The following IGF1R variants were observed in gnomAD, a reference collection of about 807,000 sequenced individuals.
The protein encoded by IGF1R is insulin like growth factor 1 receptor, also known as insulin-like growth factor 1 receptor.
IGF1R carries 44 observed loss-of-function variants against 144.6 expected under a neutral mutation model. The observed-to-expected ratio is 0.30, with a 90% CI of 0.24 to 0.39. The LOEUF is 0.39. Among genes scored for constraint, IGF1R ranks in the 10% least tolerant of loss-of-function variants. The pLI, the probability that IGF1R is intolerant of heterozygous loss-of-function variation, is 1.00. For missense variants in IGF1R, 1,355 were observed against 1,833.7 expected, an observed-to-expected ratio of 0.74 and a Z score of 4.77; for synonymous variants, 795 against 722.8, an observed-to-expected ratio of 1.10 and a Z score of -1.60.
intron 1 of IGF1R, among the ~76,000 whole-genome samples, chr15:98,681,391 T>C (rs1203898718): frequency 6.6e-6 from 1 of 152,220 alleles, no homozygotes; most frequent in African/African-American, 2.4e-5. Flanking sequence ...GAGGTTTTCA[T>C]TGATTGCAGT....
intron 1 of IGF1R, among the ~76,000 whole-genome samples, chr15:98,678,489 T>G (rs1314888789): frequency 9.8e-6 from 1 of 102,142 alleles, no homozygotes; most frequent in African/African-American, 3.1e-5. Context: ...GCCTGGAGGC[T>G]GACACTTAAA....
chr15:98,912,134 C>T (rs903833093), intron 7 of IGF1R, among the ~76,000 whole-genome samples: 1 of 149,740 alleles, frequency 6.7e-6, no homozygotes, highest in Non-Finnish European at 1.5e-5. Context: ...GGTGGCTACC[C>T]CGGTCTACTT....
chr15:98,868,765 G>A lies in IGF1R; in HGVS notation c.641-22560G>A, dbSNP rs2012607593. On this transcript the variant is annotated intron_variant, in intron 2 of 20. Coordinates refer to ENST00000650285, the MANE Select transcript of IGF1R (RefSeq NM_000875.5). ...CTTGTTGCACAGATGAAATCTGACA[G>A]CGTATGCCAAGCGCTTAGCACGGGT... 2.6e-5 allele frequency among the ~76,000 whole-genome samples: 4 copies of A among 152,312 alleles called. 1 individual carries two copies. The East Asian group carries it at 7.7e-4, about 29-fold the overall frequency.
At chr15:98,775,406 G>A (rs2055687809) in intron 2 of IGF1R, among the ~76,000 whole-genome samples, 1 of 152,200 alleles carries the variant, frequency 6.6e-6, no homozygotes, top group Non-Finnish European at 1.5e-5. Flanking sequence ...ATTTCCAGGG[G>A]TGGGACTGGG....
intron 2 of IGF1R, among the ~76,000 whole-genome samples, chr15:98,834,154 G>C (rs1177038730): frequency 6.6e-6 from 1 of 152,200 alleles, no homozygotes; most frequent in Non-Finnish European, 1.5e-5. Context: ...GAAGTTACAA[G>C]TTTACAGCTT....
rs1050093117 is a variant in IGF1R, at chr15:98,648,546, GGCA to G, written c.-1033_-1031del. On this transcript the variant is annotated 5_prime_UTR_variant, in exon 1 of 21. Transcript: ENST00000650285. The stretch of plus-strand genomic sequence containing the variant: ...GCGCGCGCGCGAGCCCCCAGTGTGT[GGCA>G]GCGGCGGCGGCGGCGCGGCGAGGCT... Among the ~76,000 whole-genome samples the G allele has an allele frequency of 1.0e-4, 15 of 145,846 alleles. No individual in the cohort carries two copies. Among genetic ancestry groups the G allele is most frequent in the African/African-American group, 2.5e-4 (10 of 40,642 alleles).
intron 2 of IGF1R, among the ~76,000 whole-genome samples, chr15:98,758,068 G>A (rs1465574664): frequency 6.6e-6 from 1 of 152,096 alleles, no homozygotes; most frequent in Admixed American, 6.5e-5. Flanking sequence ...TCCTGGATGT[G>A]TTCTCTGTCT....
intron 1 of IGF1R, among the ~76,000 whole-genome samples, chr15:98,655,656 T>A (rs1420217184): frequency 1.3e-5 from 2 of 151,194 alleles, no homozygotes; most frequent in African/African-American, 2.4e-5. Context: ...AAAAAAAAAA[T>A]AAAACGAAAC....
At position 98,886,123 on chromosome 15, in the gene IGF1R, T is replaced by G. The variant is rs191473847; in HGVS notation, c.641-5202T>G. 2.7e-3 allele frequency among the ~76,000 whole-genome samples: 409 copies of G among 152,250 alleles called. 2 individuals carry two copies. The highest frequency in any genetic ancestry group is 9.4e-3 in the African/African-American group (391 of 41,558). On this transcript the variant is annotated intron_variant, in intron 2 of 20. Transcript: ENST00000650285. Reference sequence around the variant, plus strand: ...GTGAGCCACCACGCCCAGCCTATGGTATGCTTTTAAAAATGGTTTCTCTGC... The same window carrying G: ...GTGAGCCACCACGCCCAGCCTATGGGATGCTTTTAAAAATGGTTTCTCTGC...
At chr15:98,878,692 A>AAAAAAAG (rs2013200234) in intron 2 of IGF1R, among the ~76,000 whole-genome samples, 1 of 138,882 alleles carries the variant, frequency 7.2e-6, no homozygotes, top group Non-Finnish European at 1.5e-5. Flanking sequence ...AAAAAAAAAA[A>AAAAAAAG]AAACAACAAC....
intron 1 of IGF1R, among the ~76,000 whole-genome samples, chr15:98,679,975 AAG>A (rs1421153044): frequency 5.3e-5 from 8 of 152,236 alleles, no homozygotes; most frequent in Non-Finnish European, 1.2e-4. Context: ...AAATAGAAAA[AAG>A]CTTATAGAAT....
At chr15:98,804,851 C>T (rs1017483165) in intron 2 of IGF1R, among the ~76,000 whole-genome samples, 9 of 152,148 alleles carry the variant, frequency 5.9e-5, no homozygotes, top group Admixed American at 6.5e-5. Flanking sequence ...TGCACCACCA[C>T]GCCTGGCTAA....
At chr15:98,765,932 A>C (rs1353162025) in intron 2 of IGF1R, among the ~76,000 whole-genome samples, 1 of 152,122 alleles carries the variant, frequency 6.6e-6, no homozygotes, top group Non-Finnish European at 1.5e-5. Flanking sequence ...GGGCATGCTG[A>C]TGCCACGCAA....
chr15:98,650,924 T>A, intron 1 of IGF1R: 1 of 984,816 alleles, frequency 1.0e-6, no homozygotes, highest in Non-Finnish European at 1.2e-6. Context: ...GAGCGAGAAC[T>A]CCCCCCGGTG....
chr15:98,718,257 T>C (rs2054168381), intron 2 of IGF1R, among the ~76,000 whole-genome samples: 1 of 152,180 alleles, frequency 6.6e-6, no homozygotes, highest in African/African-American at 2.4e-5. Flanking sequence ...AGTCCTCTCT[T>C]CTTTCTTCCT....
chr15:98,697,890 A>C (rs980607485), intron 1 of IGF1R, among the ~76,000 whole-genome samples: 1 of 150,530 alleles, frequency 6.6e-6, no homozygotes, highest in Admixed American at 6.6e-5. Flanking sequence ...CGCGCCCGCC[A>C]CCATGCCTGG....
intron 1 of IGF1R, among the ~76,000 whole-genome samples, chr15:98,680,398 C>T (rs1430567692): frequency 2.0e-5 from 3 of 152,032 alleles, no homozygotes; most frequent in African/African-American, 7.3e-5. Flanking sequence ...TCCCGAGTAG[C>T]TGGGACTACA....
At chr15:98,878,225 A>C (rs991445981) in intron 2 of IGF1R, among the ~76,000 whole-genome samples, 1 of 152,236 alleles carries the variant, frequency 6.6e-6, no homozygotes, top group Non-Finnish European at 1.5e-5. Flanking sequence ...TGGTCAAAAC[A>C]GTCCCCAGTT....
At chr15:98,873,010 T>C (rs1382049177) in intron 2 of IGF1R, among the ~76,000 whole-genome samples, 4 of 152,160 alleles carry the variant, frequency 2.6e-5, no homozygotes, top group South Asian at 2.1e-4. Context: ...TTTTTGACAC[T>C]GTGTACAGAG....
Sources: allele counts gnomAD v4.1 joint callset (sites outside exome capture counted in the v4.1 genomes callset), GRCh38; gene constraint gnomAD v4.1.1; transcripts MANE v1.5; gene names NCBI Gene and HGNC (gene_info 2026-07-23, HGNC 2026-07-21).